LCN6: variants seen among roughly 807,000 people sequenced by gnomAD.
The protein encoded by LCN6 is epididymal-specific lipocalin-6.
LCN6 carries 20 observed loss-of-function variants against 21.4 expected under a neutral mutation model. The observed-to-expected ratio is 0.93, with a 90% CI of 0.66 to 1.36. LCN6 has a LOEUF of 1.36. Among genes scored for constraint, LCN6 ranks in the 40% most tolerant of loss-of-function variants. The probability of loss-of-function intolerance (pLI) is 0.00; values close to 1 mark genes in which losing one functional copy is unlikely to be tolerated. For synonymous variants in LCN6, 96 were observed against 89.0 expected (o/e 1.08, Z -0.44); for missense variants, 217 against 206.6 (o/e 1.05, Z -0.31).
rs554102119 is a variant in LCN6, at chr9:136,748,480, C to T, written c.4G>A (p.Gly2Ser). ...AGAAAAGCAGCCAGCAGCAGGCCGCCCATCCTCCCAGGTCTACACTGCGCC... is the reference window on the plus strand; with the variant it reads ...AGAAAAGCAGCCAGCAGCAGGCCGCTCATCCTCCCAGGTCTACACTGCGCC... M[G>S]GLLLAAFLAL... Residue 2 changes from glycine (G) to serine (S), a missense_variant, in exon 1 of 7, where the codon GGC becomes AGC. By Grantham distance (56) the Gly-to-Ser change is moderately conservative. Coordinates refer to ENST00000341206, the MANE Select transcript of LCN6 (RefSeq NM_198946.3). The T allele has an allele frequency of 3.5e-5, 56 of 1,612,752 alleles. No homozygotes were observed. In the South Asian group the frequency reaches 5.9e-4, roughly 17 times the overall value.
Position 136,744,729 on chromosome 9 carries a change from G to A in LCN6, c.425C>T (p.Thr142Ile). Residue 142 changes from threonine (T) to isoleucine (I), a missense_variant, in exon 5 of 7, where the codon ACA becomes ATA. By Grantham distance (89) the Thr-to-Ile change is moderately conservative. Transcript: ENST00000341206. The surrounding 1 kb of genome is among the most constrained non-coding windows in gnomAD (Gnocchi z 4.2). Reference sequence around the variant, plus strand: ...GAGCCCCATGGCCTCCTGGCTGGCTGTCTCCGTCAGACCTGGGGGCACCAG... The same window carrying A: ...GAGCCCCATGGCCTCCTGGCTGGCTATCTCCGTCAGACCTGGGGGCACCAG... ...NTVELYSLTE[T>I]ASQEAMGLFT... The A allele has an allele frequency of 6.2e-7, 1 of 1,609,158 alleles. No homozygotes were observed. The highest frequency in any genetic ancestry group is 8.5e-7 in the Non-Finnish European group (1 of 1,177,690).
chr9:136,746,047 G>C, intron 2 of LCN6, 133 bp from the exon 3 acceptor site: 1 of 756,326 alleles, frequency 1.3e-6, no homozygotes, highest in East Asian at 2.5e-5. Context: ...CAGATGCCCC[G>C]ATGCCCGGAA....
At chr9:136,746,450 T>G (rs1847040164) in intron 2 of LCN6, among the ~76,000 whole-genome samples, 1 of 151,948 alleles carries the variant, frequency 6.6e-6, no homozygotes, top group Non-Finnish European at 1.5e-5. Context: ...AAGTGGTCAG[T>G]CCCCAGAGTG....
rs567526017 is a variant in LCN6, at chr9:136,746,046, C to T, written c.231-132G>A. ...AGCTTCCATCTTCTGCCAGATGCCC[C>T]GATGCCCGGAAACCTGTTCTCGGAG... is the stretch of plus-strand genomic sequence containing the variant. On this transcript the variant is annotated intron_variant, in intron 2 of 6. Transcript: ENST00000341206. 7.5e-5 allele frequency: 57 copies of T among 759,170 alleles called. No individual in the cohort carries two copies. The South Asian group carries it at 8.2e-4, about 11-fold the overall frequency. The allele number at this position is 759,170 out of a possible 1,614,324, so 47.0% of individuals were successfully genotyped here.
rs778943140 is a variant in LCN6 at position 136,744,718 on chromosome 9, C to CCTGG, written c.432_435dup (p.Glu146ProfsTer?). On this transcript the variant is annotated frameshift_variant, in exon 5 of 7. Transcript: ENST00000341206. LOFTEE classifies it high-confidence loss of function. This position sits in a 1 kb window ranked among gnomAD's most constrained non-coding sequence, Gnocchi z 4.2. ...CACTTGGTGAAGAGCCCCATGGCCT[C>CCTGG]CTGGCTGGCTGTCTCCGTCAGACCT... 9.3e-6 allele frequency: 15 copies of CCTGG among 1,610,360 alleles called. No homozygotes were observed. Among genetic ancestry groups the CCTGG allele is most frequent in the African/African-American group, 1.3e-5 (1 of 74,880 alleles).
rs764710763 is a variant in LCN6 at position 136,745,283 on chromosome 9, A to G, written c.302-3T>C. 73 of 1,606,850 alleles carry G rather than the reference A, an allele frequency of 4.5e-5. No homozygotes were observed. Among genetic ancestry groups the G allele is most frequent in the Non-Finnish European group, 5.6e-5 (66 of 1,174,128 alleles). ...CCAGAGCTCCAGCACGCCTATTGCT[A>G]GGAAACAAAACCCCCCGCCTCAGGG... On this transcript the variant is annotated splice_polypyrimidine_tract_variant and splice_region_variant and intron_variant, in intron 3 of 6. Coordinates refer to ENST00000341206, the MANE Select transcript of LCN6 (RefSeq NM_198946.3).
At chr9:136,746,496 A>G (rs932878724) in intron 2 of LCN6, among the ~76,000 whole-genome samples, 13 of 152,296 alleles carry the variant, frequency 8.5e-5, no homozygotes, top group African/African-American at 2.9e-4. Context: ...GTGTTTGCCA[A>G]GGAAGGAAAC....
chr9:136,745,266 C>T lies in LCN6; in HGVS notation c.316G>A (p.Glu106Lys). Reference sequence around the variant, plus strand: ...AAGTTGGTGGCCAGCACCCAGAGCTCCAGCACGCCTATTGCTAGGAAACAA... The same window carrying T: ...AAGTTGGTGGCCAGCACCCAGAGCTTCAGCACGCCTATTGCTAGGAAACAA... ...VFENPSIGVL[E>K]LWVLATNFRD... is the part of the protein sequence containing the mutation. The change falls in exon 4 of 7, where the codon GAG becomes AAG. Residue 106 changes from glutamate to lysine, a missense_variant. Coordinates refer to ENST00000341206, the MANE Select transcript of LCN6 (RefSeq NM_198946.3). 6.2e-7 allele frequency: 1 copy of T among 1,612,850 alleles called. No individual in the cohort carries two copies. The highest frequency in any genetic ancestry group is 8.5e-7 in the Non-Finnish European group (1 of 1,179,310).
intron 2 of LCN6, among the ~76,000 whole-genome samples, chr9:136,747,136 A>AGCCC (rs1436628634): frequency 2.0e-5 from 3 of 152,200 alleles, no homozygotes; most frequent in Non-Finnish European, 4.4e-5. Flanking sequence ...CACAGCCTGC[A>AGCCC]GCCCAGATGA....
chr9:136,747,366 G>A lies in LCN6; in HGVS notation c.230+58C>T. Reference sequence around the variant, plus strand: ...CCGGGAGCAGATGTGCAAAGTACATGATGTGGCTGAGCCACAGTCCTGCCT... The same window carrying A: ...CCGGGAGCAGATGTGCAAAGTACATAATGTGGCTGAGCCACAGTCCTGCCT... On this transcript the variant is annotated intron_variant, in intron 2 of 6. Coordinates refer to ENST00000341206, the MANE Select transcript of LCN6 (RefSeq NM_198946.3). 1.9e-6 allele frequency: 3 copies of A among 1,590,614 alleles called. No individual in the cohort carries two copies. The South Asian group carries it at 3.3e-5, about 18-fold the overall frequency.
chr9:136,745,971 A>G, intron 2 of LCN6, 57 bp from the exon 3 acceptor site: 1 of 1,506,828 alleles, frequency 6.6e-7, no homozygotes, highest in Non-Finnish European at 9.2e-7. Context: ...GCCCGGTGAG[A>G]GGAGACGGAG....
intron 1 of LCN6, 128 bp from the exon 2 acceptor site, chr9:136,747,691 C>A (rs796315067): frequency 2.5e-6 from 2 of 813,000 alleles, no homozygotes; most frequent in South Asian, 1.8e-5. Context: ...ACCATCCAGC[C>A]CTCCAGCCTC....
intron 3 of LCN6, 35 bp downstream of exon 3, chr9:136,745,809 A>T: frequency 6.3e-7 from 1 of 1,589,760 alleles, no homozygotes; most frequent in Non-Finnish European, 8.6e-7. Context: ...TGCAGGGAAG[A>T]ACGGCCTGGG....
chr9:136,747,713 C>A, intron 1 of LCN6, 150 bp from the exon 2 acceptor site: 1 of 1,008,990 alleles, frequency 9.9e-7, no homozygotes, highest in South Asian at 1.6e-5. Context: ...AGCCTCCAAC[C>A]CTCCAGCCTC....
chr9:136,746,950 C>G (rs1360358203), intron 2 of LCN6: 1 of 153,712 alleles, frequency 6.5e-6, no homozygotes, highest in Admixed American at 6.5e-5. Context: ...TGCATGTGGT[C>G]GGGTGCGCCT....
In LCN6 at chr9:136,747,540, A is replaced by C. The variant is rs1158594333; in HGVS notation, c.114T>G (p.Leu38=). Residue 38 remains leucine (L), a synonymous_variant, in exon 2 of 7, where the codon CTT becomes CTG. Transcript: ENST00000341206. ...AGCCCTTTTCCCGGGAGGCCACCGCAAGCACGTACCAGGGCCCAAGAAGCT... is the reference window on the plus strand; with the variant it reads ...AGCCCTTTTCCCGGGAGGCCACCGCCAGCACGTACCAGGGCCCAAGAAGCT... ...PEQLLGPWYV[L]AVASREKGFA... 1.2e-6 allele frequency: 2 copies of C among 1,612,324 alleles called. No individual in the cohort carries two copies. Among genetic ancestry groups the C allele is most frequent in the South Asian group, 1.1e-5 (1 of 91,088 alleles).
chr9:136,746,077 A>G (rs1041262302), intron 2 of LCN6, 163 bp from the exon 3 acceptor site: 18 of 636,050 alleles, frequency 2.8e-5, no homozygotes, highest in African/African-American at 2.0e-4. Context: ...CGGAGAGTGG[A>G]CGGCGTGGGA....
At chr9:136,745,003 GGCCCACTCACCACACAGCTCCCCACA>G (rs1847016612) in intron 4 of LCN6, among the ~76,000 whole-genome samples, 141 bp downstream of exon 4, 1 of 138,562 alleles carries the variant, frequency 7.2e-6, no homozygotes, top group African/African-American at 2.8e-5. Context: ...GGCCCCAAGC[GGCCCACTCACCACACAGCTCCCCACA>G]TGGCCCCCGA....
chr9:136,748,349 C>A, intron 1 of LCN6, 45 bp downstream of exon 1: 1 of 1,531,124 alleles, frequency 6.5e-7, no homozygotes, highest in Non-Finnish European at 8.9e-7. Flanking sequence ...AAAGGAGGGG[C>A]TGGCCCCCGA....
Sources: gnomAD v4.1 joint callset for allele counts (sites outside exome capture counted in the v4.1 genomes callset) on GRCh38, gnomAD v4.1.1 for gene constraint, Gnocchi (gnomAD v3.1) non-coding constraint, MANE v1.5 for transcripts, NCBI Gene and HGNC (gene_info 2026-07-23, HGNC 2026-07-21) for gene names.